Variants in CADM2 observed in about 807,000 individuals in gnomAD.
The protein encoded by CADM2 is cell adhesion molecule 2, also known as immunoglobulin superfamily member 4D.
In CADM2, 12 loss-of-function variants were observed where a neutral mutation model predicts 49.8. The ratio of observed to expected loss-of-function variants is 0.24; its 90% CI spans 0.15 to 0.39. The LOEUF (loss-of-function observed/expected upper bound fraction) is 0.39, where lower values mean the gene tolerates loss of function less well. CADM2 is among the 10% of genes least tolerant of loss of function. The pLI, the probability that CADM2 is intolerant of heterozygous loss-of-function variation, is 1.00. For missense variants in CADM2, 378 were observed against 492.3 expected (o/e 0.77, Z 2.20); for synonymous variants, 214 against 175.4 (o/e 1.22, Z -1.74).
chr3:85,177,927 T>G (rs1033578058), intron 1 of CADM2, among the ~76,000 whole-genome samples: 2 of 151,998 alleles, frequency 1.3e-5, no homozygotes, highest in African/African-American at 4.8e-5. Context: ...GATAATCCAA[T>G]TATTGAATTT....
At chr3:84,995,500 G>C (rs1212412029) in intron 1 of CADM2, among the ~76,000 whole-genome samples, 1 of 152,170 alleles carries the variant, frequency 6.6e-6, no homozygotes, top group Non-Finnish European at 1.5e-5. Flanking sequence ...ATTTGGATTT[G>C]ATAACAGTTG....
At chr3:85,883,193 A>G (rs1713065836) in intron 3 of CADM2, 98 bp from the exon 4 acceptor site, 1 of 916,106 alleles carries the variant, frequency 1.1e-6, no homozygotes, top group African/African-American at 1.7e-5. Flanking sequence ...TGTATGGCCA[A>G]AGAAAACATT....
rs1301765645 is a variant in CADM2, at chr3:85,947,352, T to A, written c.791+11495T>A. ...TCTTATACCAGCAGTACTTCGATAA[T>A]AAAGGATACAGAGCATTTAGATTGG... On this transcript the variant is annotated intron_variant, in intron 7 of 9. Coordinates refer to ENST00000383699, the MANE Select transcript of CADM2 (RefSeq NM_001167675.2). 1.7e-4 allele frequency among the ~76,000 whole-genome samples: 26 copies of A among 151,492 alleles called. 1 individual carries two copies.
chr3:85,998,007 A>G (rs958549367), intron 8 of CADM2, among the ~76,000 whole-genome samples: 3 of 152,158 alleles, frequency 2.0e-5, no homozygotes, highest in Non-Finnish European at 4.4e-5. Context: ...AGCAACATGG[A>G]TGACCCATGA....
intron 6 of CADM2, 76 bp downstream of exon 6, chr3:85,912,619 T>G (rs1415245131): frequency 2.1e-6 from 3 of 1,418,440 alleles, no homozygotes; most frequent in East Asian, 2.4e-5. Flanking sequence ...ATTTCAAAAC[T>G]ACCTGAAGTT....
intron 1 of CADM2, among the ~76,000 whole-genome samples, chr3:84,972,641 A>C (rs906533240): frequency 1.3e-5 from 2 of 152,166 alleles, no homozygotes; most frequent in East Asian, 3.9e-4. Context: ...GTTTGATTTC[A>C]TATTTCTGTG....
intron 7 of CADM2, among the ~76,000 whole-genome samples, chr3:85,942,681 T>G (rs541420147): frequency 6.6e-6 from 1 of 152,072 alleles, no homozygotes; most frequent in South Asian, 2.1e-4. Context: ...TTTTTATGGC[T>G]GCATAGTATT....
At chr3:85,513,143 G>A (rs776663311) in intron 1 of CADM2, among the ~76,000 whole-genome samples, 2 of 151,994 alleles carry the variant, frequency 1.3e-5, no homozygotes, top group Non-Finnish European at 2.9e-5. Flanking sequence ...TCATGCTTAA[G>A]TTGGAGGCCA....
At chr3:85,735,135 A>T (rs2068083862) in intron 2 of CADM2, among the ~76,000 whole-genome samples, 1 of 152,072 alleles carries the variant, frequency 6.6e-6, no homozygotes, top group South Asian at 2.1e-4. Flanking sequence ...AAACTTACAT[A>T]CTGTCGTATG....
rs536602497 is a variant in CADM2 at position 85,468,492 on chromosome 3, G to T, written c.62-258030G>T. Among the ~76,000 whole-genome samples the T allele has an allele frequency of 4.1e-4, 62 of 152,170 alleles. 1 individual carries two copies. In the East Asian group the frequency reaches 4.3e-3, roughly 10 times the overall value. Reference sequence around the variant, plus strand: ...AAACCATCAAATAATCACCTTACTTGTTATTAATCATTCTTAAGTGAGTAT... The same window carrying T: ...AAACCATCAAATAATCACCTTACTTTTTATTAATCATTCTTAAGTGAGTAT... On this transcript the variant is annotated intron_variant, in intron 1 of 9. Coordinates refer to ENST00000383699, the MANE Select transcript of CADM2 (RefSeq NM_001167675.2).
At chr3:85,277,112 GATA>G (rs1483964050) in intron 1 of CADM2, among the ~76,000 whole-genome samples, 8 of 151,242 alleles carry the variant, frequency 5.3e-5, no homozygotes, top group Admixed American at 2.0e-4. Flanking sequence ...GAACTGAGGT[GATA>G]ATGACAGGAA....
chr3:85,883,370 T>G lies in CADM2; in HGVS notation c.318T>G (p.Ser106=). 6.2e-7 allele frequency: 1 copy of G among 1,613,904 alleles called. No homozygotes were observed. Among genetic ancestry groups the G allele is most frequent in the Non-Finnish European group, 8.5e-7 (1 of 1,179,860 alleles). ...LSISVSDVSL[S]DEGQYTCSLF... ...TTAGTGTCAGTGATGTGTCTCTCTCTGATGAAGGACAGTACACCTGTTCTT... is the reference window on the plus strand; with the variant it reads ...TTAGTGTCAGTGATGTGTCTCTCTCGGATGAAGGACAGTACACCTGTTCTT... Residue 106 remains serine (S), a synonymous_variant, in exon 4 of 10, where the codon TCT becomes TCG. Transcript: ENST00000383699.
chr3:85,364,287 A>G (rs975841643), intron 1 of CADM2, among the ~76,000 whole-genome samples: 1 of 152,188 alleles, frequency 6.6e-6, no homozygotes, highest in Non-Finnish European at 1.5e-5. Flanking sequence ...ATCTGGCAGT[A>G]CCATAGAAAT....
chr3:86,038,813 C>T (rs1477946381), intron 8 of CADM2, among the ~76,000 whole-genome samples: 3 of 151,992 alleles, frequency 2.0e-5, no homozygotes, highest in African/African-American at 7.3e-5. Flanking sequence ...GAACATAAAT[C>T]CAAATTTGTT....
At chr3:85,049,738 C>G (rs1019990011) in intron 1 of CADM2, among the ~76,000 whole-genome samples, 1 of 152,218 alleles carries the variant, frequency 6.6e-6, no homozygotes, top group Admixed American at 6.5e-5. Context: ...TTGCAGAAAA[C>G]AGCTTTAAAA....
chr3:85,517,140 C>G (rs1429942198), intron 1 of CADM2, among the ~76,000 whole-genome samples: 1 of 151,746 alleles, frequency 6.6e-6, no homozygotes, highest in East Asian at 1.9e-4. Context: ...AACCTAGTCT[C>G]TTAGCTCAAG....
intron 1 of CADM2, among the ~76,000 whole-genome samples, chr3:85,595,139 A>G (rs1246441880): frequency 5.9e-5 from 9 of 152,024 alleles, no homozygotes; most frequent in Admixed American, 5.9e-4. Flanking sequence ...GTAGGAACTA[A>G]TGCATTTCAG....
chr3:85,662,914 C>A (rs979659022), intron 1 of CADM2, among the ~76,000 whole-genome samples: 3 of 151,998 alleles, frequency 2.0e-5, no homozygotes, highest in African/African-American at 4.8e-5. Context: ...CACACAAGTA[C>A]AAAATTTTAA....
chr3:85,255,250 G>C (rs2042859614), intron 1 of CADM2, among the ~76,000 whole-genome samples: 1 of 151,900 alleles, frequency 6.6e-6, no homozygotes, highest in Non-Finnish European at 1.5e-5. Context: ...ACAGAATCTG[G>C]TGTCAAATTG....
Sources: allele counts gnomAD v4.1 joint callset (sites outside exome capture counted in the v4.1 genomes callset), GRCh38; gene constraint gnomAD v4.1.1; transcripts MANE v1.5; gene names NCBI Gene and HGNC (gene_info 2026-07-23, HGNC 2026-07-21).